The following PTPRD variants were observed in gnomAD, a reference collection of about 807,000 sequenced individuals.
The protein encoded by PTPRD is receptor-type tyrosine-protein phosphatase delta.
PTPRD carries 34 observed loss-of-function variants against 214.5 expected under a neutral mutation model. The ratio of observed to expected loss-of-function variants is 0.16; its 90% CI spans 0.12 to 0.21. The LOEUF is 0.21. Ranked by LOEUF, PTPRD falls within the 10% of genes least tolerant of loss-of-function variation. The probability of loss-of-function intolerance (pLI) is 1.00; values close to 1 mark genes in which losing one functional copy is unlikely to be tolerated. For missense variants in PTPRD, 2,545 were observed against 2,398.7 expected, an observed-to-expected ratio of 1.06 and a Z score of -1.27; for synonymous variants, 1,128 against 845.7, an observed-to-expected ratio of 1.33 and a Z score of -5.79.
At chr9:9,769,761 C>T (rs1315317943) in intron 5 of PTPRD, among the ~76,000 whole-genome samples, 1 of 151,430 alleles carries the variant, frequency 6.6e-6, no homozygotes, top group Non-Finnish European at 1.5e-5. Context: ...CCTCCCCTAG[C>T]CCCCCACCCA....
At chr9:10,377,389 C>T (rs965820818) in intron 2 of PTPRD, among the ~76,000 whole-genome samples, 55 of 151,930 alleles carry the variant, frequency 3.6e-4, no homozygotes, top group Admixed American at 3.2e-3. Flanking sequence ...GTGTTGCACC[C>T]ATTAACTCGT....
chr9:10,008,749 A>G (rs558040202), intron 4 of PTPRD, among the ~76,000 whole-genome samples: 25 of 152,130 alleles, frequency 1.6e-4, no homozygotes, highest in South Asian at 1.0e-3. Context: ...AGCTTTCCCT[A>G]TAAGTTTAAA....
At chr9:9,634,607 A>G (rs2095696492) in intron 7 of PTPRD, among the ~76,000 whole-genome samples, 1 of 152,184 alleles carries the variant, frequency 6.6e-6, no homozygotes, top group Non-Finnish European at 1.5e-5. Context: ...TCTCTAATAC[A>G]ACCACCAAAA....
intron 14 of PTPRD, among the ~76,000 whole-genome samples, chr9:8,618,442 G>A (rs1196424109): frequency 6.6e-6 from 1 of 152,002 alleles, no homozygotes; most frequent in Non-Finnish European, 1.5e-5. Context: ...AACATATTGT[G>A]TATAAAGCCA....
chr9:8,584,291 G>T (rs1426918756), intron 14 of PTPRD, among the ~76,000 whole-genome samples: 3 of 151,982 alleles, frequency 2.0e-5, no homozygotes, highest in Non-Finnish European at 2.9e-5. Context: ...AATGAGAAAA[G>T]AAATCCCTAT....
At chr9:8,515,753 G>C (rs2138249023) in intron 21 of PTPRD, among the ~76,000 whole-genome samples, 1 of 152,276 alleles carries the variant, frequency 6.6e-6, no homozygotes, top group Non-Finnish European at 1.5e-5. Context: ...GCCTTCAAAA[G>C]GAACCAATCC....
chr9:10,060,336 C>G (rs2097735650), intron 3 of PTPRD, among the ~76,000 whole-genome samples: 1 of 151,998 alleles, frequency 6.6e-6, no homozygotes, highest in Non-Finnish European at 1.5e-5. Flanking sequence ...TTTCTAAATG[C>G]AAATTCACTC....
chr9:9,070,591 T>C lies in PTPRD; in HGVS notation c.-142-51856A>G, dbSNP rs115363109. Among the ~76,000 whole-genome samples, 1,143 of 152,266 alleles carry C rather than the reference T, an allele frequency of 7.5e-3. 14 individuals are homozygous for C. Among genetic ancestry groups the C allele is most frequent in the African/African-American group, 0.026 (1,075 of 41,560 alleles). On this transcript the variant is annotated intron_variant, in intron 10 of 45. Transcript: ENST00000381196. ...GCTCTATACAGTTTTTCTTGATTAG[T>C]TACAGTCTTTTAAATTATTTTAAAA...
chr9:10,321,817 G>T (rs570056878), intron 3 of PTPRD, among the ~76,000 whole-genome samples: 144 of 152,072 alleles, frequency 9.5e-4, no homozygotes, highest in African/African-American at 3.2e-3. Flanking sequence ...AATGATCATT[G>T]CAAAAACATT....
intron 7 of PTPRD, among the ~76,000 whole-genome samples, chr9:9,586,988 G>T (rs1373825747): frequency 6.6e-6 from 1 of 151,924 alleles, no homozygotes; most frequent in Non-Finnish European, 1.5e-5. Flanking sequence ...ACTCTCTCCT[G>T]TGATGTTGAA....
At chr9:9,655,541 C>A (rs950048872) in intron 7 of PTPRD, among the ~76,000 whole-genome samples, 6 of 151,784 alleles carry the variant, frequency 4.0e-5, no homozygotes, top group Admixed American at 1.3e-4. Flanking sequence ...TGCACTCCAG[C>A]CTGGGTGATA....
At chr9:10,455,010 T>G (rs1460844746) in intron 2 of PTPRD, among the ~76,000 whole-genome samples, 1 of 151,758 alleles carries the variant, frequency 6.6e-6, no homozygotes, top group African/African-American at 2.4e-5. Context: ...TAGTGTATAT[T>G]TGACTTTTTA....
intron 5 of PTPRD, among the ~76,000 whole-genome samples, chr9:9,821,107 A>G (rs965603433): frequency 2.0e-5 from 3 of 152,126 alleles, no homozygotes; most frequent in Non-Finnish European, 2.9e-5. Context: ...TCAATCCATG[A>G]GCATAAATTT....
intron 11 of PTPRD, among the ~76,000 whole-genome samples, chr9:8,889,092 G>C (rs1412188298): frequency 6.6e-6 from 1 of 152,168 alleles, no homozygotes; most frequent in Non-Finnish European, 1.5e-5. Context: ...TTTCCAGGCA[G>C]AAACCCAAGA....
intron 3 of PTPRD, among the ~76,000 whole-genome samples, chr9:10,067,412 T>G (rs900498605): frequency 6.6e-6 from 1 of 151,864 alleles, no homozygotes; most frequent in Non-Finnish European, 1.5e-5. Flanking sequence ...AAGATATTGT[T>G]TTTCCAATGT....
intron 8 of PTPRD, among the ~76,000 whole-genome samples, chr9:9,559,847 C>T (rs559551870): frequency 2.0e-4 from 31 of 152,262 alleles, no homozygotes; most frequent in Non-Finnish European, 3.7e-4. Context: ...GAGACATAAG[C>T]GGTGCATAAG....
At chr9:8,661,160 G>A (rs1298955186) in intron 12 of PTPRD, among the ~76,000 whole-genome samples, 1 of 152,024 alleles carries the variant, frequency 6.6e-6, no homozygotes, top group Non-Finnish European at 1.5e-5. Context: ...ACAAGCTGAA[G>A]AGACAAAAAT....
intron 10 of PTPRD, among the ~76,000 whole-genome samples, chr9:9,047,239 G>A (rs1054056820): frequency 1.4e-4 from 21 of 151,982 alleles, no homozygotes; most frequent in African/African-American, 4.3e-4. Flanking sequence ...AAACACTGAT[G>A]AAAGAAATTG....
rs139640587 is a variant in PTPRD, at chr9:9,809,474, C to T, written c.-367-42623G>A. Among the ~76,000 whole-genome samples the T allele has an allele frequency of 3.0e-3, 451 of 152,034 alleles. 4 individuals are homozygous for T. Among genetic ancestry groups the T allele is most frequent in the African/African-American group, 0.01 (425 of 41,496 alleles). On this transcript the variant is annotated intron_variant, in intron 5 of 45. Coordinates refer to ENST00000381196, the MANE Select transcript of PTPRD (RefSeq NM_002839.4). Reference sequence around the variant, plus strand: ...AGTAGAGACGGGGTTTCACCATTCACAGGATGGTCTCTATCTCCTGACCTC... The same window carrying T: ...AGTAGAGACGGGGTTTCACCATTCATAGGATGGTCTCTATCTCCTGACCTC...
Sources: allele counts gnomAD v4.1 joint callset (sites outside exome capture counted in the v4.1 genomes callset), GRCh38; gene constraint gnomAD v4.1.1; transcripts MANE v1.5; gene names NCBI Gene and HGNC (gene_info 2026-07-23, HGNC 2026-07-21).